MICU2: variants seen among roughly 807,000 people sequenced by gnomAD.
MICU2 encodes the protein mitochondrial calcium uptake 2.
MICU2 carries 64 observed loss-of-function variants against 60.4 expected under a neutral mutation model. The observed-to-expected ratio is 1.06, with a 90% CI of 0.87 to 1.31. The LOEUF is 1.31. Among genes scored for constraint, MICU2 ranks in the 50% most tolerant of loss-of-function variants. The probability of loss-of-function intolerance (pLI) is 0.00; values close to 1 mark genes in which losing one functional copy is unlikely to be tolerated. For synonymous variants in MICU2, 201 were observed against 175.0 expected (o/e 1.15, Z -1.17); for missense variants, 569 against 531.0 (o/e 1.07, Z -0.70).
chr13:21,567,510 T>C (rs1888014393), intron 1 of MICU2, among the ~76,000 whole-genome samples: 1 of 152,202 alleles, frequency 6.6e-6, no homozygotes, highest in Admixed American at 6.5e-5. Flanking sequence ...GAAGTTGTGC[T>C]TTCATAAAGA....
chr13:21,508,495 G>A (rs1886349522), intron 8 of MICU2, among the ~76,000 whole-genome samples: 1 of 152,138 alleles, frequency 6.6e-6, no homozygotes, highest in Non-Finnish European at 1.5e-5. Context: ...TTACTCTGCT[G>A]CCAGAGTGAT....
At chr13:21,507,342 ATTAGTATC>A (rs1472751734) in intron 8 of MICU2, among the ~76,000 whole-genome samples, 1 of 152,150 alleles carries the variant, frequency 6.6e-6, no homozygotes, top group Non-Finnish European at 1.5e-5. Context: ...AGAGTGACAT[ATTAGTATC>A]TCTGTGAATA....
intron 2 of MICU2, 61 bp from the exon 3 acceptor site, chr13:21,539,749 TAAGA>T: frequency 7.0e-7 from 1 of 1,434,962 alleles, no homozygotes; most frequent in Non-Finnish European, 9.7e-7. Context: ...CAACTTGCAC[TAAGA>T]AAGAAAATTA....
chr13:21,503,130 C>G (rs781745977), intron 8 of MICU2, 33 bp from the exon 9 acceptor site: 17 of 1,508,712 alleles, frequency 1.1e-5, no homozygotes, highest in Non-Finnish European at 1.5e-5. Context: ...AGTAAGGTAA[C>G]TAGTGGCATT....
At chr13:21,588,620 C>G (rs1476617308) in intron 1 of MICU2, among the ~76,000 whole-genome samples, 1 of 152,114 alleles carries the variant, frequency 6.6e-6, no homozygotes, top group Non-Finnish European at 1.5e-5. Flanking sequence ...ATGAGTCAGC[C>G]CTTGTTCATC....
At chr13:21,512,460 T>C (rs1489398403) in intron 7 of MICU2, among the ~76,000 whole-genome samples, 3 of 149,454 alleles carry the variant, frequency 2.0e-5, no homozygotes, top group African/African-American at 7.4e-5. Context: ...TTTTTTTTTT[T>C]TTTTTGAGAC....
intron 4 of MICU2, among the ~76,000 whole-genome samples, chr13:21,534,052 C>T (rs375042205): frequency 5.3e-5 from 8 of 150,040 alleles, no homozygotes; most frequent in South Asian, 4.2e-4. Context: ...CACGCCACTG[C>T]GCTCTAGTCT....
At chr13:21,501,914 C>T (rs922457926) in intron 9 of MICU2, among the ~76,000 whole-genome samples, 3 of 152,152 alleles carry the variant, frequency 2.0e-5, no homozygotes, top group Non-Finnish European at 2.9e-5. Context: ...CCTATCAGCC[C>T]ACAATGGAAC....
chr13:21,505,227 A>G (rs1027477335), intron 8 of MICU2, among the ~76,000 whole-genome samples: 1 of 152,198 alleles, frequency 6.6e-6, no homozygotes, highest in African/African-American at 2.4e-5. Flanking sequence ...CTTTAAGGCT[A>G]ATCATGGAGT....
chr13:21,566,762 T>G, intron 2 of MICU2, 35 bp downstream of exon 2: 21 of 1,501,564 alleles, frequency 1.4e-5, no homozygotes, highest in Non-Finnish European at 1.8e-5. Context: ...TGAAGTCTGA[T>G]TTTTTTAATT....
intron 4 of MICU2, among the ~76,000 whole-genome samples, chr13:21,536,989 T>C (rs1277368905): frequency 6.6e-6 from 1 of 152,234 alleles, no homozygotes; most frequent in Non-Finnish European, 1.5e-5. Flanking sequence ...ACCTACTCTA[T>C]GACCATGGTT....
chr13:21,493,354 C>T lies in MICU2; in HGVS notation c.1201-1G>A, dbSNP rs1257645956. 5.0e-6 allele frequency: 8 copies of T among 1,592,762 alleles called. No individual in the cohort carries two copies. In the African/African-American group the frequency reaches 8.1e-5, roughly 16 times the overall value. On this transcript the variant is annotated splice_acceptor_variant, in intron 11 of 11. Coordinates refer to ENST00000382374, the MANE Select transcript of MICU2 (RefSeq NM_152726.3). LOFTEE classifies it high-confidence loss of function. The stretch of plus-strand genomic sequence containing the variant: ...CTTGTATACTCTGATGTTGTGGTAC[C>T]TGTTAACCGAAAGTAAAAATCAAGG...
At chr13:21,599,982 A>G (rs1205787807) in intron 1 of MICU2, among the ~76,000 whole-genome samples, 1 of 152,254 alleles carries the variant, frequency 6.6e-6, no homozygotes, top group Non-Finnish European at 1.5e-5. Context: ...CATTCATTAA[A>G]TGAAGAAAAC....
At chr13:21,565,243 C>A (rs1887950270) in intron 2 of MICU2, among the ~76,000 whole-genome samples, 2 of 152,116 alleles carry the variant, frequency 1.3e-5, no homozygotes, top group South Asian at 4.1e-4. Context: ...ATAAAAGAAC[C>A]TAGGCTGGGC....
intron 4 of MICU2, among the ~76,000 whole-genome samples, chr13:21,534,767 CAT>C (rs1283759095): frequency 1.6e-4 from 25 of 152,248 alleles, no homozygotes; most frequent in African/African-American, 6.0e-4. Context: ...AAAATAACCA[CAT>C]ATATTTTTCC....
chr13:21,512,269 T>A (rs557133943), intron 7 of MICU2, among the ~76,000 whole-genome samples: 1 of 152,292 alleles, frequency 6.6e-6, no homozygotes, highest in South Asian at 2.1e-4. Flanking sequence ...ATATTAAAAG[T>A]CCTTTGTCCA....
At chr13:21,545,451 C>T (rs546642215) in intron 2 of MICU2, among the ~76,000 whole-genome samples, 4 of 152,228 alleles carry the variant, frequency 2.6e-5, no homozygotes, top group East Asian at 3.9e-4. Flanking sequence ...GAGGCCGAGG[C>T]GGACAGATCA....
Position 21,514,447 on chromosome 13 carries a change from T to A in MICU2, c.598-29A>T, listed in dbSNP as rs1421999034. On this transcript the variant is annotated intron_variant, in intron 6 of 11. Coordinates refer to ENST00000382374, the MANE Select transcript of MICU2 (RefSeq NM_152726.3). ...AAAAGATTACAAACATGAGTTTACA[T>A]GTGTGCCTACCAGATTTTTCAAAAC... is the stretch of plus-strand genomic sequence containing the variant. 3.2e-6 allele frequency: 5 copies of A among 1,571,478 alleles called. No homozygotes were observed. In the East Asian group the frequency reaches 9.0e-5, roughly 28 times the overall value.
intron 4 of MICU2, among the ~76,000 whole-genome samples, chr13:21,534,343 T>C (rs922770551): frequency 6.6e-6 from 1 of 152,074 alleles, no homozygotes; most frequent in Admixed American, 6.6e-5. Flanking sequence ...ATAGAGGGTA[T>C]TACAGGCGTG....
Sources: gnomAD v4.1 joint callset for allele counts (sites outside exome capture counted in the v4.1 genomes callset) on GRCh38, gnomAD v4.1.1 for gene constraint, MANE v1.5 for transcripts, NCBI Gene and HGNC (gene_info 2026-07-23, HGNC 2026-07-21) for gene names.